Variants in C19orf47 observed in about 807,000 individuals in gnomAD.
The protein encoded by C19orf47 is uncharacterized protein C19orf47.
In C19orf47, 18 loss-of-function variants were observed where a neutral mutation model predicts 32.3. That is an observed-to-expected ratio of 0.56 (90% CI 0.39 to 0.83). The LOEUF (loss-of-function observed/expected upper bound fraction) is 0.83. Ranked by LOEUF, C19orf47 falls within the 40% of genes least tolerant of loss-of-function variation. C19orf47 has a pLI of 0.00. For synonymous variants in C19orf47, 202 were observed against 211.1 expected, an observed-to-expected ratio of 0.96 and a Z score of 0.37; for missense variants, 484 against 531.6, an observed-to-expected ratio of 0.91 and a Z score of 0.88.
intron 1 of C19orf47, 21 bp downstream of exon 1, chr19:40,348,303 C>G (rs2078370740): frequency 7.5e-7 from 1 of 1,332,754 alleles, no homozygotes; most frequent in African/African-American, 1.6e-5. Context: ...CCAGTCCCAC[C>G]ACCCCCGGCC....
At chr19:40,326,211 G>A (rs1035601272) in intron 7 of C19orf47, 123 bp downstream of exon 7, 32 of 1,359,328 alleles carry the variant, frequency 2.4e-5, no homozygotes, top group African/African-American at 7.2e-5. Context: ...CTTGGCCTAC[G>A]GCTCCTGCAT....
chr19:40,314,526 TAAAG>T, the C19orf47 span, among the ~76,000 whole-genome samples: 5 of 152,112 alleles, frequency 3.3e-5, no homozygotes, highest in Middle Eastern at 6.8e-3. Context: ...AGTGACAAAA[TAAAG>T]AAAGTAACGT....
chr19:40,321,382 T>C lies in C19orf47; in HGVS notation c.*500A>G, dbSNP rs1042810295. On this transcript the variant is annotated 3_prime_UTR_variant, in exon 9 of 9. Transcript: ENST00000683109. ...ACGGGGACAGAAAACAGAAGAGAAA[T>C]GAACAAAGTGAAGACAGGGAGAGAG... is the stretch of plus-strand genomic sequence containing the variant. 9.1e-6 allele frequency: 9 copies of C among 987,730 alleles called. No homozygotes were observed. Among genetic ancestry groups the C allele is most frequent in the Admixed American group, 6.0e-5 (1 of 16,584 alleles). The allele number at this position is 987,730 out of a possible 1,614,324, so 61.2% of individuals were successfully genotyped here.
chr19:40,317,271 G>A (rs769015474), downstream of C19orf47, among the ~76,000 whole-genome samples: 2 of 151,958 alleles, frequency 1.3e-5, no homozygotes, highest in African/African-American at 2.4e-5. Context: ...TCCACCAAAC[G>A]TGGCTGTGAA....
At chr19:40,298,335 GT>G in the C19orf47 span, among the ~76,000 whole-genome samples, 1 of 151,028 alleles carries the variant, frequency 6.6e-6, no homozygotes, top group East Asian at 1.9e-4. Flanking sequence ...AATAATTGTG[GT>G]TTATAAATAG....
At position 40,326,366 on chromosome 19, in the gene C19orf47, C is replaced by A; in HGVS notation, c.560G>T (p.Arg187Leu). 3 of 1,614,172 alleles carry A rather than the reference C, an allele frequency of 1.9e-6. No individual in the cohort carries two copies. The highest frequency in any genetic ancestry group is 1.7e-4 in the Middle Eastern group (1 of 6,060). The change falls in exon 7 of 9, where the codon CGC becomes CTC. Residue 187 changes from arginine (R) to leucine (L), a missense_variant. Transcript: ENST00000683109. ...NMPKGTTPRT[R>L]KILEQQQAAK... ...AGCCTGCTGCTGCTCCAGGATCTTG[C>A]GGGTGCGGGGTGTGGTGCCTTTGGG...
chr19:40,325,037 A>C (rs1453408876), intron 7 of C19orf47, among the ~76,000 whole-genome samples: 2 of 152,066 alleles, frequency 1.3e-5, no homozygotes, highest in African/African-American at 2.4e-5. Context: ...TGAGAGGCCA[A>C]GGCAGGTGGA....
intron 1 of C19orf47, among the ~76,000 whole-genome samples, chr19:40,342,865 G>A (rs1470740193): frequency 6.6e-6 from 1 of 152,194 alleles, no homozygotes; most frequent in East Asian, 1.9e-4. Context: ...GAGCGAGCAG[G>A]AAGGACACTG....
At position 40,322,198 on chromosome 19, in the gene C19orf47, G is replaced by A. The variant is rs200592705; in HGVS notation, c.842C>T (p.Thr281Ile). Residue 281 changes from threonine (T) to isoleucine (I), a missense_variant, in exon 9 of 9, where the codon ACA becomes ATA. Around this residue, in one of 3 missense-constraint regions of C19orf47, gnomAD observed 376 missense variants for 370.2 expected, o/e 1.02. Coordinates refer to ENST00000683109, the MANE Select transcript of C19orf47 (RefSeq NM_001256441.2). ...QPALTVKAKA[T>I]SSATTAAAPT... ...GGCAGCAGCCGTTGTCGCTGAGCTT[G>A]TGGCCTTGGCTTTGACAGTCAGTGC... 8.7e-6 allele frequency: 14 copies of A among 1,611,364 alleles called. No homozygotes were observed. In the African/African-American group the frequency reaches 1.6e-4, roughly 18 times the overall value.
chr19:40,322,951 G>C (rs1210205917), intron 8 of C19orf47, among the ~76,000 whole-genome samples: 2 of 152,176 alleles, frequency 1.3e-5, no homozygotes, highest in Non-Finnish European at 2.9e-5. Context: ...CAGAAGACAG[G>C]GGTGGCTCCT....
At chr19:40,343,095 G>A (rs1476446103) in intron 1 of C19orf47, among the ~76,000 whole-genome samples, 1 of 152,046 alleles carries the variant, frequency 6.6e-6, no homozygotes, top group Non-Finnish European at 1.5e-5. Context: ...CAGGATCATG[G>A]GGCCCACACT....
At chr19:40,329,905 C>T (rs1053682859) in intron 5 of C19orf47, among the ~76,000 whole-genome samples, 1 of 152,212 alleles carries the variant, frequency 6.6e-6, no homozygotes, top group Admixed American at 6.5e-5. Flanking sequence ...CCTACCTGTC[C>T]TGCTGTACCC....
intron 6 of C19orf47, 89 bp downstream of exon 6, chr19:40,328,324 C>A: frequency 6.4e-7 from 1 of 1,555,236 alleles, no homozygotes; most frequent in Middle Eastern, 1.7e-4. Context: ...TTCAAAGCAC[C>A]TTACAATATT....
the C19orf47 span, among the ~76,000 whole-genome samples, chr19:40,314,087 A>T: frequency 4.6e-5 from 7 of 152,194 alleles, no homozygotes; most frequent in African/African-American, 1.7e-4. Context: ...GAAATATTCA[A>T]GATGAGCCTG....
chr19:40,341,633 T>C (rs1260445443), intron 2 of C19orf47, among the ~76,000 whole-genome samples: 1 of 152,144 alleles, frequency 6.6e-6, no homozygotes, highest in African/African-American at 2.4e-5. Flanking sequence ...TCTTCACAGC[T>C]AAACTATACA....
chr19:40,322,305 A>G lies in C19orf47; in HGVS notation c.735T>C (p.Asn245=), dbSNP rs756302183. 6.2e-6 allele frequency: 10 copies of G among 1,608,536 alleles called. No individual in the cohort carries two copies. The highest frequency in any genetic ancestry group is 8.5e-6 in the Non-Finnish European group (10 of 1,178,948). The change falls in exon 9 of 9, where the codon AAT becomes AAC. Residue 245 remains asparagine, a synonymous_variant. Coordinates refer to ENST00000683109, the MANE Select transcript of C19orf47 (RefSeq NM_001256441.2). The part of the protein sequence containing the change: ...TDEDLAWDSD[N]DSSSSVLQYA... ...ACTGCAAGACAGAGCTGCTGCTGTC[A>G]TTGTCGCTGTCCCAAGCCAGATCCT...
downstream of C19orf47, among the ~76,000 whole-genome samples, chr19:40,315,432 G>A (rs927997804): frequency 4.6e-5 from 7 of 152,000 alleles, no homozygotes; most frequent in African/African-American, 1.5e-4. Context: ...CATCGCTTGA[G>A]CTCAGGAATC....
At chr19:40,338,008 G>C (rs539135779) in intron 2 of C19orf47, among the ~76,000 whole-genome samples, 1 of 152,206 alleles carries the variant, frequency 6.6e-6, no homozygotes, top group African/African-American at 2.4e-5. Flanking sequence ...GTCTAGAACA[G>C]GCAAATCTAA....
At chr19:40,338,048 G>A (rs1278081448) in intron 2 of C19orf47, among the ~76,000 whole-genome samples, 2 of 151,962 alleles carry the variant, frequency 1.3e-5, no homozygotes, top group Non-Finnish European at 2.9e-5. Flanking sequence ...TTGCTAGGGG[G>A]ACAGGGGAAG....
Sources: gnomAD v4.1 joint callset for allele counts (sites outside exome capture counted in the v4.1 genomes callset) on GRCh38, gnomAD v4.1.1 for gene constraint, gnomAD v4.1.1 regional missense constraint, MANE v1.5 for transcripts, NCBI Gene and HGNC (gene_info 2026-07-23, HGNC 2026-07-21) for gene names.